GLIS1: variants seen among roughly 807,000 people sequenced by gnomAD.
GLIS1 encodes the protein zinc finger protein GLIS1.
GLIS1 carries 24 observed loss-of-function variants against 63.8 expected under a neutral mutation model. The ratio of observed to expected loss-of-function variants is 0.38; its 90% CI spans 0.27 to 0.53. The LOEUF is 0.53. GLIS1 is among the 20% of genes least tolerant of loss of function. The pLI, the probability that GLIS1 is intolerant of heterozygous loss-of-function variation, is 0.85. For synonymous variants in GLIS1, 450 were observed against 482.5 expected (o/e 0.93, Z 0.88); for missense variants, 1,036 against 1,074.1 (o/e 0.96, Z 0.50).
At chr1:53,619,094 C>A (rs1645514101) in intron 2 of GLIS1, among the ~76,000 whole-genome samples, 1 of 152,328 alleles carries the variant, frequency 6.6e-6, no homozygotes, top group East Asian at 1.9e-4. Context: ...TTGGACCAGA[C>A]CTCTGCCTCT....
chr1:53,617,709 A>AT (rs1281690627), intron 2 of GLIS1, among the ~76,000 whole-genome samples: 1 of 152,266 alleles, frequency 6.6e-6, no homozygotes, highest in Non-Finnish European at 1.5e-5. Context: ...AAAACCTTAT[A>AT]TGAAAAATTT....
intron 2 of GLIS1, among the ~76,000 whole-genome samples, chr1:53,684,032 T>C (rs1283860925): frequency 6.6e-6 from 1 of 151,618 alleles, no homozygotes; most frequent in East Asian, 1.9e-4. Context: ...GGGGCTGGAG[T>C]AGAGATGGAG....
intron 7 of GLIS1, among the ~76,000 whole-genome samples, chr1:53,519,832 T>G (rs1018065813): frequency 6.6e-6 from 1 of 152,358 alleles, no homozygotes; most frequent in African/African-American, 2.4e-5. Flanking sequence ...AGCCTCAGTT[T>G]TCTCCTCTGG....
rs1035183726 is a variant in GLIS1, at chr1:53,639,664, C to T, written c.260-39386G>A. 2.0e-5 allele frequency among the ~76,000 whole-genome samples: 3 copies of T among 151,948 alleles called. No individual in the cohort carries two copies. Among genetic ancestry groups the T allele is most frequent in the East Asian group, 3.8e-4 (2 of 5,198 alleles). The stretch of plus-strand genomic sequence containing the variant: ...AGGGTGGGGCTTTTTTTTTCCAGCC[C>T]GCTATCCTGGGCCGACAGCATACTC... On this transcript the variant is annotated intron_variant, in intron 2 of 10. Transcript: ENST00000628545. This position sits in a 1 kb window ranked among gnomAD's most constrained non-coding sequence, Gnocchi z 4.6.
intron 2 of GLIS1, among the ~76,000 whole-genome samples, chr1:53,703,741 T>A (rs1470444779): frequency 6.7e-6 from 1 of 150,318 alleles, no homozygotes; most frequent in Non-Finnish European, 1.5e-5. Context: ...CAAACTAGTC[T>A]CCAAGCAGCC....
chr1:53,548,306 C>T lies in GLIS1; in HGVS notation c.1321-18354G>A, dbSNP rs575786603. Among the ~76,000 whole-genome samples the T allele has an allele frequency of 5.3e-5, 8 of 152,332 alleles. No individual in the cohort carries two copies. In the East Asian group the frequency reaches 7.7e-4, roughly 15 times the overall value. On this transcript the variant is annotated intron_variant, in intron 4 of 10. Coordinates refer to ENST00000628545, the MANE Select transcript of GLIS1 (RefSeq NM_001367484.1). ...TTCAACCTTGCATGCACATCTCTAA[C>T]GGGAGGCCCGGTCTGCACACAGCAC...
intron 2 of GLIS1, among the ~76,000 whole-genome samples, chr1:53,717,791 G>A (rs1371543404): frequency 6.6e-6 from 1 of 152,060 alleles, no homozygotes; most frequent in Non-Finnish European, 1.5e-5. Flanking sequence ...TGTAAGCTTT[G>A]TGAGTACAGA....
intron 2 of GLIS1, among the ~76,000 whole-genome samples, chr1:53,614,912 A>T (rs80021757): frequency 1.8e-4 from 23 of 127,704 alleles, no homozygotes; most frequent in African/African-American, 7.2e-4. Context: ...GCACACACTC[A>T]CACACACTCT....
chr1:53,661,403 C>A (rs939743381), intron 2 of GLIS1, among the ~76,000 whole-genome samples: 4 of 152,132 alleles, frequency 2.6e-5, no homozygotes, highest in Non-Finnish European at 5.9e-5. Flanking sequence ...CCTAGTGATG[C>A]ATTTGGGCTT....
At chr1:53,647,510 A>G (rs1388730349) in intron 2 of GLIS1, among the ~76,000 whole-genome samples, 1 of 152,184 alleles carries the variant, frequency 6.6e-6, no homozygotes, top group Non-Finnish European at 1.5e-5. Context: ...GGAAAAAAGA[A>G]ACTTGACACC....
At chr1:53,687,667 C>T (rs1646353779) in intron 2 of GLIS1, among the ~76,000 whole-genome samples, 2 of 152,322 alleles carry the variant, frequency 1.3e-5, no homozygotes, top group African/African-American at 2.4e-5. Flanking sequence ...GAGCCCCCGC[C>T]GCCCACCACC....
At chr1:53,531,544 C>T (rs753468548) in intron 4 of GLIS1, among the ~76,000 whole-genome samples, 13 of 152,148 alleles carry the variant, frequency 8.5e-5, no homozygotes, top group Non-Finnish European at 1.5e-4. Flanking sequence ...ATTTCTGGTG[C>T]GAGGCTGTTC....
chr1:53,618,377 G>C (rs1569929101), intron 2 of GLIS1, among the ~76,000 whole-genome samples: 1 of 152,378 alleles, frequency 6.6e-6, no homozygotes, highest in East Asian at 1.9e-4. Flanking sequence ...CTTTCTCTAA[G>C]ATGCAGGCCC....
intron 2 of GLIS1, among the ~76,000 whole-genome samples, chr1:53,724,265 G>T (rs954613136): frequency 3.3e-5 from 5 of 152,150 alleles, no homozygotes; most frequent in East Asian, 3.9e-4. Context: ...AGGAACAAAT[G>T]AATACATTAA....
intron 6 of GLIS1, 83 bp downstream of exon 6, chr1:53,524,694 A>T: frequency 1.1e-6 from 1 of 900,720 alleles, no homozygotes. Context: ...GGGCAGATGC[A>T]TGTGTTGAGG....
intron 2 of GLIS1, among the ~76,000 whole-genome samples, chr1:53,605,484 G>T (rs779490061): frequency 2.0e-5 from 3 of 152,164 alleles, no homozygotes; most frequent in Non-Finnish European, 2.9e-5. Flanking sequence ...GCGAATAGCT[G>T]CCACTTAGGT....
intron 2 of GLIS1, among the ~76,000 whole-genome samples, chr1:53,677,770 C>A (rs1211823360): frequency 2.0e-5 from 3 of 152,206 alleles, no homozygotes; most frequent in Non-Finnish European, 4.4e-5. Context: ...CCTCTCCCTG[C>A]TTCTCTGTCA....
chr1:53,508,953 T>C (rs1194941507), intron 10 of GLIS1, among the ~76,000 whole-genome samples, 167 bp downstream of exon 10: 1 of 152,220 alleles, frequency 6.6e-6, no homozygotes, highest in African/African-American at 2.4e-5. Context: ...CAGACAGTTC[T>C]GCGGGGTCCT....
At chr1:53,651,925 C>A (rs530242489) in intron 2 of GLIS1, among the ~76,000 whole-genome samples, 1 of 151,382 alleles carries the variant, frequency 6.6e-6, no homozygotes, top group South Asian at 2.1e-4. Flanking sequence ...AAGGCCTGGG[C>A]TCTACCTGAG....
Sources: gnomAD v4.1 joint callset for allele counts (sites outside exome capture counted in the v4.1 genomes callset) on GRCh38, gnomAD v4.1.1 for gene constraint, Gnocchi (gnomAD v3.1) non-coding constraint, MANE v1.5 for transcripts, NCBI Gene and HGNC (gene_info 2026-07-23, HGNC 2026-07-21) for gene names.